Variants in OCA2 observed in about 807,000 individuals in gnomAD.
The protein encoded by OCA2 is P protein.
Under a neutral mutation model 100.2 loss-of-function variants are expected in OCA2, and 77 were observed. That is an observed-to-expected ratio of 0.77 (90% CI 0.64 to 0.93). The LOEUF (loss-of-function observed/expected upper bound fraction) is 0.93, where lower values mean the gene tolerates loss of function less well. OCA2 is among the 40% of genes least tolerant of loss of function. OCA2 has a pLI of 0.00. For synonymous variants in OCA2, 432 were observed against 439.2 expected, an observed-to-expected ratio of 0.98 and a Z score of 0.21; for missense variants, 1,062 against 1,089.1, an observed-to-expected ratio of 0.98 and a Z score of 0.35.
chr15:27,989,789 C>T, intron 10 of OCA2, 123 bp from the exon 11 acceptor site: 1 of 803,646 alleles, frequency 1.2e-6, no homozygotes, highest in Non-Finnish European at 2.1e-6. Flanking sequence ...GAAATCTCAC[C>T]ATCCACTTGC....
At chr15:27,992,339 G>A (rs2141030540) in intron 9 of OCA2, among the ~76,000 whole-genome samples, 1 of 152,322 alleles carries the variant, frequency 6.6e-6, no homozygotes, top group East Asian at 1.9e-4. Context: ...GACCTCAGGT[G>A]ATCCACCCAC....
chr15:27,723,653 T>C, the OCA2 span, among the ~76,000 whole-genome samples: 49 of 152,226 alleles, frequency 3.2e-4, no homozygotes, highest in Non-Finnish European at 6.9e-4. Flanking sequence ...CAATCTCTCA[T>C]TCACATTTTC....
chr15:28,074,093 T>G (rs537155617), intron 2 of OCA2, among the ~76,000 whole-genome samples: 1 of 152,184 alleles, frequency 6.6e-6, no homozygotes, highest in Admixed American at 6.5e-5. Context: ...AGAATTTATA[T>G]GGGAAGGCAA....
At chr15:27,789,909 T>G (rs185852507) in intron 23 of OCA2, among the ~76,000 whole-genome samples, 2 of 152,292 alleles carry the variant, frequency 1.3e-5, no homozygotes, top group Admixed American at 1.3e-4. Context: ...AATATAATAC[T>G]AAAGGCATGA....
intron 13 of OCA2, 91 bp downstream of exon 13, chr15:27,984,973 T>G: frequency 6.6e-7 from 1 of 1,514,522 alleles, no homozygotes; most frequent in Non-Finnish European, 9.1e-7. Flanking sequence ...TTCATGCACC[T>G]GAGAATGGAA....
intron 23 of OCA2, among the ~76,000 whole-genome samples, chr15:27,806,802 C>T (rs1404937005): frequency 2.0e-5 from 3 of 152,232 alleles, no homozygotes; most frequent in Non-Finnish European, 4.4e-5. Flanking sequence ...AGGACCGTGG[C>T]CACCTTAATA....
chr15:27,945,431 T>C lies in OCA2; in HGVS notation c.1951+6353A>G, dbSNP rs1262758271. On this transcript the variant is annotated intron_variant, in intron 18 of 23. Coordinates refer to ENST00000354638, the MANE Select transcript of OCA2 (RefSeq NM_000275.3). ...TATTCTGCCATGAGCAGAAAAAAGA[T>C]GCACTAACTGGTCACGGAGAAGCAA... is the stretch of plus-strand genomic sequence containing the variant. Among the ~76,000 whole-genome samples, 3 of 152,134 alleles carry C rather than the reference T, an allele frequency of 2.0e-5. No homozygotes were observed. In the East Asian group the frequency reaches 5.8e-4, roughly 29 times the overall value.
the OCA2 span, among the ~76,000 whole-genome samples, chr15:27,724,317 C>T: frequency 1.3e-5 from 2 of 152,130 alleles, no homozygotes; most frequent in South Asian, 4.2e-4. Context: ...CCCCGGGCCT[C>T]TCCCTTTTGC....
At chr15:27,799,886 A>G (rs1342336884) in intron 23 of OCA2, among the ~76,000 whole-genome samples, 2 of 152,178 alleles carry the variant, frequency 1.3e-5, no homozygotes, top group Non-Finnish European at 2.9e-5. Context: ...GGGCTCAAAA[A>G]GTGGTAAAAA....
intron 19 of OCA2, among the ~76,000 whole-genome samples, chr15:27,879,269 G>A (rs2036915969): frequency 6.6e-6 from 1 of 152,086 alleles, no homozygotes; most frequent in African/African-American, 2.4e-5. Context: ...AGGGCATTTG[G>A]GATGATTCCA....
intron 18 of OCA2, among the ~76,000 whole-genome samples, chr15:27,927,791 T>G (rs2039097595): frequency 7.1e-6 from 1 of 141,506 alleles, no homozygotes; most frequent in Non-Finnish European, 1.5e-5. Flanking sequence ...CATCTTTTTT[T>G]TTTTTTTTTT....
intron 21 of OCA2, among the ~76,000 whole-genome samples, chr15:27,852,827 C>T (rs1201304109): frequency 7.6e-6 from 1 of 131,784 alleles, no homozygotes; most frequent in Non-Finnish European, 1.6e-5. Flanking sequence ...AAAAAATGCT[C>T]ATCATCACTG....
At chr15:27,948,436 G>A (rs1443012182) in intron 18 of OCA2, among the ~76,000 whole-genome samples, 1 of 152,094 alleles carries the variant, frequency 6.6e-6, no homozygotes, top group Non-Finnish European at 1.5e-5. Flanking sequence ...AGTGTCTGGA[G>A]TAGTTTTTTT....
chr15:27,755,872 G>A (rs1217070440), intron 23 of OCA2, among the ~76,000 whole-genome samples: 1 of 152,120 alleles, frequency 6.6e-6, no homozygotes, highest in Non-Finnish European at 1.5e-5. Flanking sequence ...CCAGCTTCCA[G>A]CAGGCTCCTG....
Position 27,966,779 on chromosome 15 carries a change from A to C in OCA2, c.1547T>G (p.Ile516Ser). The C allele has an allele frequency of 6.2e-7, 1 of 1,613,260 alleles. No homozygotes were observed. Among genetic ancestry groups the C allele is most frequent in the Non-Finnish European group, 8.5e-7 (1 of 1,179,934 alleles). ...AGFTAHMFIG[I>S]CLVLLVCFPL... ...AAAGCAGACCAGGAGAACAAGGCAA[A>C]TCCCAATGAACATGTGTGCAGTGAA... Residue 516 changes from isoleucine (I) to serine (S), a missense_variant, in exon 15 of 24, where the codon ATT becomes AGT. Ile to Ser is a moderately radical substitution (Grantham distance 142, BLOSUM62 -2). Coordinates refer to ENST00000354638, the MANE Select transcript of OCA2 (RefSeq NM_000275.3).
At chr15:27,945,101 A>G (rs1195781640) in intron 18 of OCA2, among the ~76,000 whole-genome samples, 3 of 152,202 alleles carry the variant, frequency 2.0e-5, no homozygotes, top group Non-Finnish European at 4.4e-5. Flanking sequence ...TGGATATGTG[A>G]ATGGCTTAGC....
At chr15:27,747,632 G>T in the OCA2 span, among the ~76,000 whole-genome samples, 1 of 152,132 alleles carries the variant, frequency 6.6e-6, no homozygotes, top group African/African-American at 2.4e-5. Context: ...GAATTAAACA[G>T]GGAGGTTACC....
chr15:27,919,803 T>C (rs2038793203), intron 19 of OCA2, among the ~76,000 whole-genome samples: 1 of 152,176 alleles, frequency 6.6e-6, no homozygotes, highest in Non-Finnish European at 1.5e-5. Context: ...TGCATCAATT[T>C]AGGTTCATAA....
Position 28,074,673 on chromosome 15 carries a change from CAAAAAA to C in OCA2, c.227+6969_227+6974del, listed in dbSNP as rs1172821817. The stretch of plus-strand genomic sequence containing the variant: ...TGGGCAACAGAGCGAGACTCCGTCT[CAAAAAA>C]AAAAAAAAAAAAAAAAAATTAGCTG... On this transcript the variant is annotated intron_variant, in intron 2 of 23. Coordinates refer to ENST00000354638, the MANE Select transcript of OCA2 (RefSeq NM_000275.3). Among the ~76,000 whole-genome samples the C allele has an allele frequency of 5.3e-3, 354 of 66,922 alleles. 1 individual carries two copies. Among genetic ancestry groups the C allele is most frequent in the Middle Eastern group, 8.8e-3 (1 of 114 alleles). The allele number at this position is 66,922 out of a possible 152,430, so 43.9% of individuals were successfully genotyped here.
Sources: gnomAD v4.1 joint callset for allele counts (sites outside exome capture counted in the v4.1 genomes callset) on GRCh38, gnomAD v4.1.1 for gene constraint, MANE v1.5 for transcripts, NCBI Gene and HGNC (gene_info 2026-07-23, HGNC 2026-07-21) for gene names.